Variants in DPP6 observed in about 807,000 individuals in gnomAD.
DPP6 encodes dipeptidyl peptidase like 6.
A neutral mutation model predicts 122.6 loss-of-function variants in DPP6; 69 were observed. The observed-to-expected ratio is 0.56, with a 90% confidence interval of 0.46 to 0.69. The LOEUF (loss-of-function observed/expected upper bound fraction) is 0.69, where lower values mean the gene tolerates loss of function less well. Ranked by LOEUF, DPP6 falls within the 30% of genes least tolerant of loss-of-function variation. DPP6 has a pLI of 0.00. For synonymous variants in DPP6, 418 were observed against 433.1 expected, an observed-to-expected ratio of 0.97 and a Z score of 0.43; for missense variants, 928 against 1,116.9, an observed-to-expected ratio of 0.83 and a Z score of 2.41.
Position 154,892,214 on chromosome 7 carries a change from T to C in DPP6, c.2452-120T>C, listed in dbSNP as rs558968272. 12 of 1,345,186 alleles carry C rather than the reference T, an allele frequency of 8.9e-6. No homozygotes were observed. The East Asian group carries it at 2.7e-4, about 30-fold the overall frequency. The allele number at this position is 1,345,186 out of a possible 1,614,324, so 83.3% of individuals were successfully genotyped here. ...TGGCATGGTTAGCAAACCCACTTCA[T>C]CAACTACAATCCAGCCCCGGACGGG... On this transcript the variant is annotated intron_variant, in intron 25 of 25. Transcript: ENST00000377770.
At chr7:153,794,200 C>T in the DPP6 span, among the ~76,000 whole-genome samples, 1 of 152,190 alleles carries the variant, frequency 6.6e-6, no homozygotes, top group African/African-American at 2.4e-5. Flanking sequence ...TTGCACCGTT[C>T]ACCTGGAAAA....
At chr7:153,860,023 C>G in the DPP6 span, among the ~76,000 whole-genome samples, 1 of 152,136 alleles carries the variant, frequency 6.6e-6, no homozygotes, top group East Asian at 1.9e-4. Flanking sequence ...GTTCGCTTAA[C>G]TAATGTGTAG....
At chr7:154,082,790 A>G (rs1216959243) in intron 1 of DPP6, among the ~76,000 whole-genome samples, 7 of 151,122 alleles carry the variant, frequency 4.6e-5, no homozygotes, top group Non-Finnish European at 7.4e-5. Context: ...CTTGAGGAGT[A>G]TTAAAGGACA....
intron 2 of DPP6, among the ~76,000 whole-genome samples, chr7:154,462,335 G>C (rs1469472042): frequency 2.0e-5 from 3 of 152,078 alleles, no homozygotes; most frequent in Admixed American, 2.0e-4. Flanking sequence ...AATAACTTTG[G>C]TTATTGTGGA....
chr7:154,152,304 T>G (rs1796465360), intron 1 of DPP6, among the ~76,000 whole-genome samples: 2 of 151,994 alleles, frequency 1.3e-5, no homozygotes, highest in Non-Finnish European at 2.9e-5. Context: ...GGTACAGGGA[T>G]GGGGTGCGAC....
At chr7:153,755,595 C>G in the DPP6 span, among the ~76,000 whole-genome samples, 849 of 152,090 alleles carry the variant, frequency 5.6e-3, 6 homozygotes, top group African/African-American at 0.019. Context: ...CTTTCCTGCC[C>G]CTTTTGGTTT....
At chr7:154,237,272 G>A (rs1264194412) in intron 1 of DPP6, among the ~76,000 whole-genome samples, 1 of 152,188 alleles carries the variant, frequency 6.6e-6, no homozygotes, top group African/African-American at 2.4e-5. Flanking sequence ...TACAGGTGAT[G>A]ACACAAACAA....
chr7:154,745,548 G>T (rs1324475330), intron 8 of DPP6, among the ~76,000 whole-genome samples: 4 of 152,194 alleles, frequency 2.6e-5, no homozygotes, highest in Non-Finnish European at 5.9e-5. Context: ...TTGCCATAAA[G>T]GAATACCTGA....
At chr7:154,387,934 A>T (rs530965362) in intron 1 of DPP6, among the ~76,000 whole-genome samples, 62 of 92,244 alleles carry the variant, frequency 6.7e-4, no homozygotes, top group African/African-American at 1.8e-3. Flanking sequence ...GAGGTCAGGA[A>T]TTGCCTACTT....
intron 1 of DPP6, among the ~76,000 whole-genome samples, chr7:154,178,933 A>G (rs1246741961): frequency 6.6e-6 from 1 of 152,170 alleles, no homozygotes; most frequent in African/African-American, 2.4e-5. Flanking sequence ...CAGGGTCCCA[A>G]GGGGAATGTT....
At position 154,263,946 on chromosome 7, in the gene DPP6, C is replaced by T. The variant is rs982387839; in HGVS notation, c.244-182268C>T. The stretch of plus-strand genomic sequence containing the variant: ...CCTCAGGTAATCCACCTGCCTCAGT[C>T]TCCCAAAGTGCTGAAATTATAGGCG... On this transcript the variant is annotated intron_variant, in intron 1 of 25. Coordinates refer to ENST00000377770, the MANE Select transcript of DPP6 (RefSeq NM_130797.4). 1.4e-4 allele frequency among the ~76,000 whole-genome samples: 21 copies of T among 152,254 alleles called. 1 individual carries two copies. Among genetic ancestry groups the T allele is most frequent in the South Asian group, 4.2e-4 (2 of 4,810 alleles).
chr7:154,874,248 C>G (rs1029895033), intron 19 of DPP6, among the ~76,000 whole-genome samples: 12 of 152,224 alleles, frequency 7.9e-5, no homozygotes, highest in Non-Finnish European at 1.8e-4. Flanking sequence ...CCCCTGCACA[C>G]TGGTTTCTTC....
At chr7:154,354,161 T>A (rs575892854) in intron 1 of DPP6, among the ~76,000 whole-genome samples, 2 of 152,320 alleles carry the variant, frequency 1.3e-5, no homozygotes, top group South Asian at 4.1e-4. Flanking sequence ...CACTGCCACC[T>A]AAACCCTTCT....
the DPP6 span, among the ~76,000 whole-genome samples, chr7:153,816,739 G>T: frequency 6.6e-6 from 1 of 151,044 alleles, no homozygotes; most frequent in African/African-American, 2.4e-5. Context: ...TCAGAGCACA[G>T]GTGAGACCCA....
Position 154,565,047 on chromosome 7 carries a change from T to C in DPP6, c.553-1795T>C, listed in dbSNP as rs866798388. Among the ~76,000 whole-genome samples the C allele has an allele frequency of 3.3e-5, 5 of 152,176 alleles. 1 individual carries two copies. The South Asian group carries it at 1.0e-3, about 32-fold the overall frequency. ...AAGGGCAAGAAGGCTGTGAACGCCT[T>C]ATGGAGAAAATGCATCTTTGAGATA... On this transcript the variant is annotated intron_variant, in intron 4 of 25. Transcript: ENST00000377770.
intron 3 of DPP6, among the ~76,000 whole-genome samples, chr7:154,504,152 T>G (rs1237722033): frequency 6.6e-6 from 1 of 151,882 alleles, no homozygotes; most frequent in Admixed American, 6.6e-5. Context: ...TATGAAACAG[T>G]GCCCTCTAGT....
chr7:154,531,577 A>T (rs1346819469), intron 3 of DPP6, among the ~76,000 whole-genome samples: 1 of 152,226 alleles, frequency 6.6e-6, no homozygotes, highest in Non-Finnish European at 1.5e-5. Flanking sequence ...TGGAAACTCA[A>T]ATCTTGATAA....
chr7:154,190,676 G>A (rs942344667), intron 1 of DPP6, among the ~76,000 whole-genome samples: 1 of 152,122 alleles, frequency 6.6e-6, no homozygotes, highest in African/African-American at 2.4e-5. Flanking sequence ...GCAGATGGAT[G>A]GGTCTTTCTG....
chr7:154,104,098 G>T (rs183087956), intron 1 of DPP6, among the ~76,000 whole-genome samples: 1 of 152,242 alleles, frequency 6.6e-6, no homozygotes, highest in East Asian at 1.9e-4. Context: ...TGACCAATAC[G>T]GTTGCCCACC....
Sources: allele counts gnomAD v4.1 joint callset (sites outside exome capture counted in the v4.1 genomes callset), GRCh38; gene constraint gnomAD v4.1.1; transcripts MANE v1.5; gene names NCBI Gene and HGNC (gene_info 2026-07-23, HGNC 2026-07-21).